The following CFAP44 variants were observed in gnomAD, a reference collection of about 807,000 sequenced individuals.
The protein encoded by CFAP44 is cilia and flagella associated protein 44, also known as cilia- and flagella-associated protein 44.
Under a neutral mutation model 216.2 loss-of-function variants are expected in CFAP44, and 134 were observed. That is an observed-to-expected ratio of 0.62 (90% CI 0.54 to 0.72). The LOEUF is 0.72. CFAP44 is among the 30% of genes least tolerant of loss of function. The pLI is 0.00. For synonymous variants in CFAP44, 700 were observed against 727.6 expected, an observed-to-expected ratio of 0.96 and a Z score of 0.61; for missense variants, 2,035 against 2,182.1, an observed-to-expected ratio of 0.93 and a Z score of 1.34.
At chr3:113,380,395 T>C (rs763722122) in intron 16 of CFAP44, among the ~76,000 whole-genome samples, 3 of 152,206 alleles carry the variant, frequency 2.0e-5, no homozygotes, top group Non-Finnish European at 4.4e-5. Flanking sequence ...TTCCAGCCTT[T>C]ATTGCCATCG....
rs542888750 is a variant in CFAP44 at position 113,416,567 on chromosome 3, T to C, written c.631A>G (p.Ile211Val). The change falls in exon 6 of 35, where the codon ATC becomes GTC. Residue 211 changes from isoleucine to valine, a missense_variant. By Grantham distance (29) the Ile-to-Val change is conservative (BLOSUM62 3). Transcript: ENST00000393845. Reference protein sequence around the residue: ...AEKGSFPDIIIYEYPSLRPYR... With the variant: ...AEKGSFPDIIVYEYPSLRPYR... ...GGTCTCAGAGAAGGATATTCATAGATGATAATATCTGGAAAACTCCCTTTT... is the reference window on the plus strand; with the variant it reads ...GGTCTCAGAGAAGGATATTCATAGACGATAATATCTGGAAAACTCCCTTTT... 1.9e-6 allele frequency: 3 copies of C among 1,612,684 alleles called. No individual in the cohort carries two copies. The highest frequency in any genetic ancestry group is 2.2e-5 in the South Asian group (2 of 90,976).
chr3:113,413,700 T>C (rs1041389589), intron 6 of CFAP44, among the ~76,000 whole-genome samples: 4 of 152,190 alleles, frequency 2.6e-5, no homozygotes, highest in African/African-American at 9.7e-5. Context: ...GAGGTCTCTG[T>C]TCTGCTCCAT....
intron 15 of CFAP44, 128 bp downstream of exon 15, chr3:113,395,622 G>T: frequency 1.4e-6 from 1 of 699,734 alleles, no homozygotes; most frequent in Non-Finnish European, 2.3e-6. Flanking sequence ...TTCTGTTGCC[G>T]CATCCCTGAC....
In CFAP44 at chr3:113,291,734, C is replaced by G; in HGVS notation, c.5388G>C (p.Gln1796His). The G allele has an allele frequency of 6.5e-7, 1 of 1,535,978 alleles. No homozygotes were observed. The highest frequency in any genetic ancestry group is 8.7e-7 in the Non-Finnish European group (1 of 1,146,926). Residue 1796 changes from glutamine (Q) to histidine (H), a missense_variant, in exon 35 of 35, where the codon CAG (glutamine) becomes CAC (histidine). By Grantham distance (24) the Gln-to-His change is conservative. Transcript: ENST00000393845. ...CCACAACATCTGCTTCCCGAGGGCC[C>G]TGGAAGGCATTGCCCTGTTGAAAGA... The part of the protein sequence containing the change: ...TLQNQQGNAF[Q>H]GPREADVVAR...
At chr3:113,333,927 T>G (rs556331247) in intron 24 of CFAP44, among the ~76,000 whole-genome samples, 15 of 152,224 alleles carry the variant, frequency 9.9e-5, no homozygotes, top group African/African-American at 3.4e-4. Context: ...ATTAGGTGGG[T>G]TTTTTAATGA....
chr3:113,432,846 C>G (rs1487431919), intron 2 of CFAP44, among the ~76,000 whole-genome samples: 1 of 152,162 alleles, frequency 6.6e-6, no homozygotes, highest in Non-Finnish European at 1.5e-5. Flanking sequence ...AATATTCCCA[C>G]ATCTTGTCAT....
chr3:113,342,843 A>T (rs894161260), intron 23 of CFAP44, among the ~76,000 whole-genome samples: 109 of 151,838 alleles, frequency 7.2e-4, no homozygotes, highest in Non-Finnish European at 1.2e-3. Context: ...TACATAAAAA[A>T]AAAAAAATTA....
intron 24 of CFAP44, among the ~76,000 whole-genome samples, chr3:113,340,702 T>A (rs1950324821): frequency 6.6e-6 from 1 of 152,214 alleles, no homozygotes; most frequent in African/African-American, 2.4e-5. Flanking sequence ...AATGGGCGTG[T>A]CTTACAGGAT....
chr3:113,439,964 T>A (rs1373776585), intron 1 of CFAP44, among the ~76,000 whole-genome samples: 1 of 152,258 alleles, frequency 6.6e-6, no homozygotes, highest in East Asian at 1.9e-4. Flanking sequence ...TTGTCTTTTT[T>A]AATGTTTACT....
chr3:113,318,179 G>GC (rs758628790), intron 28 of CFAP44, among the ~76,000 whole-genome samples: 9 of 152,124 alleles, frequency 5.9e-5, no homozygotes, highest in Non-Finnish European at 1.0e-4. Context: ...TGATCCAAGA[G>GC]CCGAAAGATG....
intron 22 of CFAP44, among the ~76,000 whole-genome samples, chr3:113,355,610 CA>C (rs1481845788): frequency 2.0e-5 from 3 of 152,116 alleles, no homozygotes; most frequent in Non-Finnish European, 4.4e-5. Flanking sequence ...AGCAAACTAT[CA>C]CAAGGACAGA....
At chr3:113,305,348 A>G (rs1949975331) in intron 30 of CFAP44, among the ~76,000 whole-genome samples, 196 bp from the exon 31 acceptor site, 1 of 152,106 alleles carries the variant, frequency 6.6e-6, no homozygotes, top group African/African-American at 2.4e-5. Flanking sequence ...GATCCACATC[A>G]CTCTTCAGTC....
At chr3:113,346,272 G>T (rs141941073) in intron 22 of CFAP44, among the ~76,000 whole-genome samples, 4 of 150,552 alleles carry the variant, frequency 2.7e-5, no homozygotes, top group African/African-American at 9.8e-5. Context: ...GATTGTAAAT[G>T]CACTAATCAG....
At chr3:113,426,961 C>T in intron 3 of CFAP44, 1 of 494,256 alleles carries the variant, frequency 2.0e-6, no homozygotes, top group Non-Finnish European at 3.5e-6. Flanking sequence ...CTTCTTAAAA[C>T]CCAGAAGAAT....
chr3:113,310,623 T>G (rs1246365978), intron 28 of CFAP44, among the ~76,000 whole-genome samples: 1 of 152,240 alleles, frequency 6.6e-6, no homozygotes, highest in South Asian at 2.1e-4. Flanking sequence ...ATATCTGATA[T>G]GGTTTGGATC....
At chr3:113,333,319 C>A (rs1576552657) in intron 25 of CFAP44, 87 bp downstream of exon 25, 1 of 1,114,480 alleles carries the variant, frequency 9.0e-7, no homozygotes, top group Non-Finnish European at 1.3e-6. Context: ...TTCTTATTGA[C>A]CAGATAGGGA....
intron 19 of CFAP44, among the ~76,000 whole-genome samples, chr3:113,364,976 G>A (rs1950574567): frequency 6.6e-6 from 1 of 151,880 alleles, no homozygotes; most frequent in South Asian, 2.1e-4. Flanking sequence ...GTCTGCTTCA[G>A]TGATTTCAGA....
At chr3:113,370,079 C>T (rs369486585) in intron 18 of CFAP44, among the ~76,000 whole-genome samples, 1 of 152,080 alleles carries the variant, frequency 6.6e-6, no homozygotes, top group East Asian at 1.9e-4. Flanking sequence ...GAAATTGAGG[C>T]AATAATTAAT....
chr3:113,338,755 C>T (rs538373978), intron 24 of CFAP44, among the ~76,000 whole-genome samples: 1 of 152,264 alleles, frequency 6.6e-6, no homozygotes, highest in South Asian at 2.1e-4. Flanking sequence ...AGAAGGGGAC[C>T]TTGGCCTTAC....
Sources: allele counts gnomAD v4.1 joint callset (sites outside exome capture counted in the v4.1 genomes callset), GRCh38; gene constraint gnomAD v4.1.1; transcripts MANE v1.5; gene names NCBI Gene and HGNC (gene_info 2026-07-23, HGNC 2026-07-21).